The following MIDEAS variants were observed in gnomAD, a reference collection of about 807,000 sequenced individuals.
MIDEAS encodes mitotic deacetylase associated SANT domain protein.
A neutral mutation model predicts 102.7 loss-of-function variants in MIDEAS; 26 were observed. That is an observed-to-expected ratio of 0.25 (90% CI 0.19 to 0.35). MIDEAS has a LOEUF of 0.35. Ranked by LOEUF, MIDEAS falls within the 10% of genes least tolerant of loss-of-function variation. MIDEAS has a pLI of 1.00. For synonymous variants in MIDEAS, 585 were observed against 591.0 expected (o/e 0.99, Z 0.15); for missense variants, 1,231 against 1,435.6 (o/e 0.86, Z 2.30).
At chr14:73,767,897 G>T (rs185873898) in intron 1 of MIDEAS, among the ~76,000 whole-genome samples, 1 of 152,034 alleles carries the variant, frequency 6.6e-6, no homozygotes, top group Non-Finnish European at 1.5e-5. Context: ...AGTGGCTCAC[G>T]CCTGTAATCC....
intron 1 of MIDEAS, among the ~76,000 whole-genome samples, chr14:73,747,051 G>A (rs2053361647): frequency 6.6e-6 from 1 of 152,166 alleles, no homozygotes; most frequent in African/African-American, 2.4e-5. Context: ...TGTTCCTTCT[G>A]CCTGGAAGCC....
At chr14:73,761,511 G>A (rs1435757290), upstream of MIDEAS, among the ~76,000 whole-genome samples, 1 of 152,188 alleles carries the variant, frequency 6.6e-6, no homozygotes, top group Non-Finnish European at 1.5e-5. Context: ...ACCATGTTAT[G>A]ATAGATATGT....
At chr14:73,768,721 G>T (rs1176034699) in intron 1 of MIDEAS, among the ~76,000 whole-genome samples, 1 of 152,060 alleles carries the variant, frequency 6.6e-6, no homozygotes, top group Non-Finnish European at 1.5e-5. Flanking sequence ...CCTGACCTCA[G>T]GTGATCTGCC....
At chr14:73,764,361 A>AAG (rs1030757722), upstream of MIDEAS, among the ~76,000 whole-genome samples, 11 of 150,628 alleles carry the variant, frequency 7.3e-5, no homozygotes, top group Non-Finnish European at 1.3e-4. Context: ...AAAAAAAAAA[A>AAG]AACAAAACAA....
intron 3 of MIDEAS, among the ~76,000 whole-genome samples, chr14:73,734,530 C>A (rs1166811233): frequency 6.6e-6 from 1 of 152,168 alleles, no homozygotes; most frequent in African/African-American, 2.4e-5. Flanking sequence ...ACCTCAGCCT[C>A]CTGAGAAACT....
At chr14:73,751,896 G>C (rs934691842) in intron 1 of MIDEAS, among the ~76,000 whole-genome samples, 2 of 152,020 alleles carry the variant, frequency 1.3e-5, no homozygotes, top group African/African-American at 4.8e-5. Context: ...GCAAAACTCT[G>C]TCTCAAAAAA....
intron 7 of MIDEAS, 74 bp downstream of exon 7, chr14:73,726,530 G>T (rs1226113944): frequency 1.3e-5 from 19 of 1,410,532 alleles, no homozygotes; most frequent in Non-Finnish European, 1.9e-5. Context: ...GCAGCCATAG[G>T]TCCTGAGCAG....
intron 1 of MIDEAS, among the ~76,000 whole-genome samples, chr14:73,773,879 G>T (rs1255910575): frequency 6.6e-6 from 1 of 151,636 alleles, no homozygotes; most frequent in Non-Finnish European, 1.5e-5. Flanking sequence ...AAAATGAGCT[G>T]GGCATGGTGG....
At position 73,721,359 on chromosome 14, in the gene MIDEAS, G is replaced by A; in HGVS notation, c.2875C>T (p.Arg959Ter). Residue 959 changes from arginine (R) to a stop codon, truncating the protein, a stop_gained, in exon 11 of 13, where the codon CGA (arginine) becomes TGA (stop). Coordinates refer to ENST00000423556, the MANE Select transcript of MIDEAS (RefSeq NM_001367710.1). LOFTEE classifies it high-confidence loss of function. ...IQEKEEQEEG[R>*]ERSRRAAAVK... is the part of the protein sequence containing the mutation. ...GCCGCTGCCCGCCTGCTGCGCTCTC[G>A]CCCCTCTTCCTGCTCCTCCTTCTCT... 1.9e-6 allele frequency: 3 copies of A among 1,613,902 alleles called. No individual in the cohort carries two copies. Among genetic ancestry groups the A allele is most frequent in the Non-Finnish European group, 2.5e-6 (3 of 1,179,976 alleles).
chr14:73,719,483 G>C lies in MIDEAS; in HGVS notation c.2956C>G (p.Leu986Val). The stretch of plus-strand genomic sequence containing the variant: ...GGGGCGTTGGACTCGTGGCTCCGGA[G>C]GATGAGGATGTCACTGGCCTGAAGA... ...ANESASDILI[L>V]RSHESNAPGS... Residue 986 changes from leucine (L) to valine (V), a missense_variant, in exon 12 of 13, where the codon CTC (leucine) becomes GTC (valine). By Grantham distance (32) the Leu-to-Val change is conservative. Coordinates refer to ENST00000423556, the MANE Select transcript of MIDEAS (RefSeq NM_001367710.1). 3.7e-6 allele frequency: 6 copies of C among 1,613,756 alleles called. No homozygotes were observed. The highest frequency in any genetic ancestry group is 5.1e-6 in the Non-Finnish European group (6 of 1,179,948).
Position 73,725,727 on chromosome 14 carries a change from G to A in MIDEAS, c.2485+306C>T, listed in dbSNP as rs2053052040. Among the ~76,000 whole-genome samples the A allele has an allele frequency of 1.3e-5, 2 of 152,184 alleles. No individual in the cohort carries two copies. The highest frequency in any genetic ancestry group is 4.8e-5 in the African/African-American group (2 of 41,444). ...CCAGAACAGGACATGCACTCCTGGGGCTAAGTTCCAGGTACCTGATGCCAA... is the reference window on the plus strand; with the variant it reads ...CCAGAACAGGACATGCACTCCTGGGACTAAGTTCCAGGTACCTGATGCCAA... On this transcript the variant is annotated intron_variant, in intron 8 of 12. Transcript: ENST00000423556. The surrounding 1 kb of genome is among the most constrained non-coding windows in gnomAD (Gnocchi z 4.1).
rs572322971 is a variant in MIDEAS, at chr14:73,716,166, C to T, written c.*2677G>A. On this transcript the variant is annotated 3_prime_UTR_variant, in exon 13 of 13. Coordinates refer to ENST00000423556, the MANE Select transcript of MIDEAS (RefSeq NM_001367710.1). ...AGCACCATTAAGGATATACCTATGCCAGCTTCTATAGCTGCACCTGCTTTA... is the reference window on the plus strand; with the variant it reads ...AGCACCATTAAGGATATACCTATGCTAGCTTCTATAGCTGCACCTGCTTTA... 3 of 152,550 alleles carry T rather than the reference C, an allele frequency of 2.0e-5. No individual in the cohort carries two copies. The highest frequency in any genetic ancestry group is 4.4e-5 in the Non-Finnish European group (3 of 68,050). The allele number at this position is 152,550 out of a possible 1,614,324, so 9.4% of individuals were successfully genotyped here.
At chr14:73,722,940 TA>T in intron 9 of MIDEAS, 93 bp from the exon 10 acceptor site, 2 of 1,469,550 alleles carry the variant, frequency 1.4e-6, no homozygotes, top group Non-Finnish European at 1.8e-6. Flanking sequence ...ATCTTTCCCT[TA>T]ACTTCAAGCC....
chr14:73,786,023 AT>A (rs2140184654), intron 1 of MIDEAS, among the ~76,000 whole-genome samples: 1 of 152,334 alleles, frequency 6.6e-6, no homozygotes, highest in South Asian at 2.1e-4. Flanking sequence ...CACGCCAACA[AT>A]GCCTGACTGT....
intron 1 of MIDEAS, among the ~76,000 whole-genome samples, chr14:73,747,326 C>G (rs2053365661): frequency 6.6e-6 from 1 of 152,164 alleles, no homozygotes; most frequent in Admixed American, 6.5e-5. Flanking sequence ...TGGTTCCTGC[C>G]TTTGAGGAGC....
chr14:73,773,049 G>A (rs926533988), intron 1 of MIDEAS, among the ~76,000 whole-genome samples: 3 of 152,030 alleles, frequency 2.0e-5, no homozygotes, highest in Non-Finnish European at 4.4e-5. Flanking sequence ...TGTTGGCCAG[G>A]CTGGTCTCAA....
intron 2 of MIDEAS, among the ~76,000 whole-genome samples, 170 bp from the exon 3 acceptor site, chr14:73,737,467 TAAAAC>T (rs1272606351): frequency 2.0e-5 from 3 of 151,664 alleles, no homozygotes; most frequent in Non-Finnish European, 4.4e-5. Context: ...CTACAGAAAA[TAAAAC>T]AAAATTAGCT....
intron 1 of MIDEAS, among the ~76,000 whole-genome samples, chr14:73,756,715 G>C (rs776961270): frequency 1.3e-5 from 2 of 152,180 alleles, no homozygotes; most frequent in Non-Finnish European, 2.9e-5. Flanking sequence ...CAGGCTAGCA[G>C]ATCCCTAGGG....
At position 73,738,543 on chromosome 14, in the gene MIDEAS, C is replaced by A; in HGVS notation, c.1449+17G>T. 1 of 1,523,878 alleles carries A rather than the reference C, an allele frequency of 6.6e-7. No homozygotes were observed. Among genetic ancestry groups the A allele is most frequent in the Non-Finnish European group, 8.8e-7 (1 of 1,131,794 alleles). 94.4% of individuals were successfully genotyped at this position (1,523,878 alleles called of 1,614,324 possible). A position where few individuals can be genotyped will look rare whatever the true frequency, so the allele number is the denominator to read the frequency against. Reference sequence around the variant, plus strand: ...ATGCCCTCTGCCAGGTGTGGCTCCACTGCATGCCACTCTCACCTTTGCATT... The same window carrying A: ...ATGCCCTCTGCCAGGTGTGGCTCCAATGCATGCCACTCTCACCTTTGCATT... On this transcript the variant is annotated intron_variant, in intron 2 of 12. Transcript: ENST00000423556.
Sources: allele counts gnomAD v4.1 joint callset (sites outside exome capture counted in the v4.1 genomes callset), GRCh38; gene constraint gnomAD v4.1.1; non-coding constraint Gnocchi (gnomAD v3.1); transcripts MANE v1.5; gene names NCBI Gene and HGNC (gene_info 2026-07-23, HGNC 2026-07-21).